The following ATP12A variants were observed in gnomAD, a reference collection of about 807,000 sequenced individuals.
ATP12A encodes ATPase H+/K+ transporting non-gastric alpha2 subunit, also known as potassium-transporting ATPase alpha chain 2.
ATP12A carries 81 observed loss-of-function variants against 111.2 expected under a neutral mutation model. The ratio of observed to expected loss-of-function variants is 0.73; its 90% CI spans 0.61 to 0.88. The LOEUF (loss-of-function observed/expected upper bound fraction) is 0.88. Ranked by LOEUF, ATP12A falls within the 40% of genes least tolerant of loss-of-function variation. The pLI is 0.00. For synonymous variants in ATP12A, 498 were observed against 499.8 expected (o/e 1.00, Z 0.05); for missense variants, 1,196 against 1,313.1 (o/e 0.91, Z 1.38).
At chr13:24,681,872 T>C (rs1566067765) in intron 2 of ATP12A, 152 bp downstream of exon 2, 1 of 1,059,308 alleles carries the variant, frequency 9.4e-7, no homozygotes, top group Non-Finnish European at 1.4e-6. Context: ...GCGTGGTGTG[T>C]CTGTGTGGTG....
intron 3 of ATP12A, among the ~76,000 whole-genome samples, chr13:24,686,533 G>A (rs1374763744): frequency 6.6e-6 from 1 of 151,868 alleles, no homozygotes; most frequent in Non-Finnish European, 1.5e-5. Context: ...GAGGTCAGGA[G>A]ATCGAGACCA....
intron 8 of ATP12A, 122 bp from the exon 9 acceptor site, chr13:24,692,307 C>A: frequency 1.9e-6 from 2 of 1,048,514 alleles, no homozygotes; most frequent in Admixed American, 2.3e-5. Context: ...CCACACCTCT[C>A]CCCTAAAACT....
chr13:24,700,466 A>T (rs1875344357), intron 12 of ATP12A, among the ~76,000 whole-genome samples: 1 of 152,210 alleles, frequency 6.6e-6, no homozygotes, highest in African/African-American at 2.4e-5. Context: ...TGCCCCGCTA[A>T]ACTTCAGAAG....
At chr13:24,700,453 CTG>C (rs1187730053) in intron 12 of ATP12A, among the ~76,000 whole-genome samples, 1 of 152,204 alleles carries the variant, frequency 6.6e-6, no homozygotes, top group Non-Finnish European at 1.5e-5. Context: ...CCCTTTAACT[CTG>C]TGCCCCGCTA....
chr13:24,686,159 C>T (rs543656425), intron 3 of ATP12A, among the ~76,000 whole-genome samples: 8 of 152,280 alleles, frequency 5.3e-5, no homozygotes, highest in African/African-American at 1.7e-4. Context: ...ATTACAGGGG[C>T]CAGACGTGGT....
In ATP12A at chr13:24,680,468, G is replaced by T. The variant is rs1413774803; in HGVS notation, c.-276G>T. 2.3e-6 allele frequency: 1 copy of T among 428,286 alleles called. No homozygotes were observed. The allele number at this position is 428,286 out of a possible 1,614,324, so 26.5% of individuals were successfully genotyped here. Reference sequence around the variant, plus strand: ...TCCCCCTCCCTGCGCGCGCGCCGGCGGGTTTCCTACCCTCCGAGGCGTCCG... The same window carrying T: ...TCCCCCTCCCTGCGCGCGCGCCGGCTGGTTTCCTACCCTCCGAGGCGTCCG... On this transcript the variant is annotated 5_prime_UTR_variant, in exon 1 of 23. Transcript: ENST00000381946.
At chr13:24,708,950 AAAGAAAGAAAG>A (rs936291756) in intron 17 of ATP12A, among the ~76,000 whole-genome samples, 10 of 131,574 alleles carry the variant, frequency 7.6e-5, no homozygotes, top group East Asian at 2.1e-4. Flanking sequence ...AGAAAGAAAG[AAAGAAAGAAAG>A]AAGGAAAGAG....
intron 1 of ATP12A, among the ~76,000 whole-genome samples, chr13:24,681,163 C>T (rs906173985): frequency 3.9e-5 from 6 of 152,096 alleles, no homozygotes; most frequent in Admixed American, 2.0e-4. Context: ...ACAGGACGCA[C>T]AGCTGTTGTG....
chr13:24,691,482 A>G (rs1325721701), intron 8 of ATP12A, among the ~76,000 whole-genome samples: 30 of 152,206 alleles, frequency 2.0e-4, no homozygotes, highest in Non-Finnish European at 1.5e-5. Flanking sequence ...TCAATCTGCA[A>G]TTCACACAGC....
At chr13:24,692,648 G>C (rs1213412772) in intron 9 of ATP12A, 21 bp downstream of exon 9, 13 of 1,606,302 alleles carry the variant, frequency 8.1e-6, no homozygotes, top group Non-Finnish European at 1.1e-5. Context: ...TGGAGAGCTC[G>C]GTCTGGCCAA....
At chr13:24,684,219 T>A (rs1489320569) in intron 2 of ATP12A, among the ~76,000 whole-genome samples, 1 of 152,074 alleles carries the variant, frequency 6.6e-6, no homozygotes, top group Non-Finnish European at 1.5e-5. Flanking sequence ...ATCTTCTGAA[T>A]CCCCAGCAAT....
chr13:24,710,953 C>A (rs1395402687), intron 21 of ATP12A, 60 bp downstream of exon 21: 1 of 1,438,414 alleles, frequency 7.0e-7, no homozygotes, highest in African/African-American at 1.4e-5. Flanking sequence ...GCTGTCGCAG[C>A]CTAAATAAAC....
rs60902451 is a variant in ATP12A, at chr13:24,686,440, C to CAAAAA, written c.228+1080_228+1084dup. Among the ~76,000 whole-genome samples the CAAAAA allele has an allele frequency of 5.6e-3, 525 of 93,764 alleles. 9 individuals carry two copies. The highest frequency in any genetic ancestry group is 0.017 in the African/African-American group (408 of 24,414). 61.5% of individuals were successfully genotyped at this position (93,764 alleles called of 152,430 possible). A position where few individuals can be genotyped will look rare whatever the true frequency, so the allele number is the denominator to read the frequency against. The stretch of plus-strand genomic sequence containing the variant: ...GGGCAACAAGAGCAAAACTCCATCT[C>CAAAAA]AAAAAAAAAAAAAAAAAGGGCCGGG... On this transcript the variant is annotated intron_variant, in intron 3 of 22. Transcript: ENST00000381946.
In ATP12A at chr13:24,710,856, C is replaced by T; in HGVS notation, c.2962C>T (p.Leu988Phe). 6.2e-7 allele frequency: 1 copy of T among 1,614,190 alleles called. No homozygotes were observed. Among genetic ancestry groups the T allele is most frequent in the Non-Finnish European group, 8.5e-7 (1 of 1,180,026 alleles). ...IIIGLILSYG[L>F]GSVTALSFTM... The stretch of plus-strand genomic sequence containing the variant: ...CATTGGTCTGATCCTCTCCTATGGC[C>T]TCGGAAGTGTCACAGCCTTGAGTTT... The change falls in exon 21 of 23, where the codon CTC (leucine) becomes TTC (phenylalanine). Residue 988 changes from leucine (L) to phenylalanine (F), a missense_variant. Physicochemically the swap from Leu to Phe is conservative, Grantham distance 22. Around this residue, in one of 3 missense-constraint regions of ATP12A, gnomAD observed 1,126 missense variants for 1,228.5 expected, o/e 0.92. Transcript: ENST00000381946.
At chr13:24,692,383 G>A in intron 8 of ATP12A, 46 bp from the exon 9 acceptor site, 3 of 1,588,392 alleles carry the variant, frequency 1.9e-6, no homozygotes, top group African/African-American at 1.3e-5. Context: ...TTGGACCTGA[G>A]TTCAAATGAG....
At chr13:24,684,370 T>C (rs1269612079) in intron 2 of ATP12A, among the ~76,000 whole-genome samples, 1 of 152,228 alleles carries the variant, frequency 6.6e-6, no homozygotes, top group Non-Finnish European at 1.5e-5. Context: ...AACATGGAAC[T>C]ATTTTTTGCA....
At chr13:24,699,754 A>C (rs1245620354) in intron 12 of ATP12A, among the ~76,000 whole-genome samples, 1 of 152,172 alleles carries the variant, frequency 6.6e-6, no homozygotes, top group East Asian at 1.9e-4. Context: ...TGTTGTCAGC[A>C]CCAGGGCTGG....
At chr13:24,692,954 G>T in intron 10 of ATP12A, 58 bp downstream of exon 10, 3 of 1,454,000 alleles carry the variant, frequency 2.1e-6, no homozygotes, top group South Asian at 2.3e-5. Flanking sequence ...CACTTGCTGA[G>T]GTCTGATTGG....
chr13:24,710,127 G>A (rs78225710), intron 19 of ATP12A, among the ~76,000 whole-genome samples: 4 of 152,300 alleles, frequency 2.6e-5, no homozygotes, highest in East Asian at 1.9e-4. Flanking sequence ...CTTTCAGGCC[G>A]GGTGCAGTGG....
Sources: allele counts gnomAD v4.1 joint callset (sites outside exome capture counted in the v4.1 genomes callset), GRCh38; gene constraint gnomAD v4.1.1; regional missense constraint gnomAD v4.1.1; transcripts MANE v1.5; gene names NCBI Gene and HGNC (gene_info 2026-07-23, HGNC 2026-07-21).